The following ATP13A4 variants were observed in gnomAD, a reference collection of about 807,000 sequenced individuals.
The protein encoded by ATP13A4 is ATPase 13A4.
In ATP13A4, 114 loss-of-function variants were observed where a neutral mutation model predicts 142.5. The ratio of observed to expected loss-of-function variants is 0.80; its 90% CI spans 0.69 to 0.93. The LOEUF is 0.93. ATP13A4 is among the 40% of genes least tolerant of loss of function. ATP13A4 has a pLI of 0.00. For missense variants in ATP13A4, 1,392 were observed against 1,454.0 expected, an observed-to-expected ratio of 0.96 and a Z score of 0.69; for synonymous variants, 488 against 514.8, an observed-to-expected ratio of 0.95 and a Z score of 0.70.
intron 18 of ATP13A4, among the ~76,000 whole-genome samples, chr3:193,444,008 G>T (rs996018506): frequency 5.3e-5 from 8 of 150,142 alleles, no homozygotes; most frequent in Non-Finnish European, 8.9e-5. Context: ...GGTTGAAAAA[G>T]AAAAAAAAAT....
chr3:193,502,181 T>A (rs1435156699), intron 3 of ATP13A4, among the ~76,000 whole-genome samples: 1 of 152,242 alleles, frequency 6.6e-6, no homozygotes, highest in Non-Finnish European at 1.5e-5. Flanking sequence ...GTATTGAGCA[T>A]CTGCTATATA....
At chr3:193,573,301 A>ATATATATGTG (rs1553862275) in intron 2 of ATP13A4, among the ~76,000 whole-genome samples, 43 of 78,992 alleles carry the variant, frequency 5.4e-4, no homozygotes, top group African/African-American at 2.2e-3. Context: ...ACATATATAT[A>ATATATATGTG]TATATACATA....
intron 1 of ATP13A4, among the ~76,000 whole-genome samples, chr3:193,540,682 T>A (rs1044299882): frequency 5.3e-5 from 8 of 151,720 alleles, no homozygotes; most frequent in Non-Finnish European, 7.4e-5. Flanking sequence ...TACTATTATA[T>A]AGCCATTAAA....
chr3:193,411,068 T>C lies in ATP13A4; in HGVS notation c.3211A>G (p.Ile1071Val). 1.2e-6 allele frequency: 2 copies of C among 1,600,744 alleles called. No homozygotes were observed. Among genetic ancestry groups the C allele is most frequent in the African/African-American group, 2.7e-5 (2 of 74,756 alleles). The change falls in exon 28 of 30, where the codon ATA becomes GTA. Residue 1071 changes from isoleucine (I) to valine (V), a missense_variant and splice_region_variant. Ile to Val is a conservative substitution (Grantham distance 29). Coordinates refer to ENST00000342695, the MANE Select transcript of ATP13A4 (RefSeq NM_032279.4). ...PFRQPTYTNY[I>V]FVLVLIIQLG... The stretch of plus-strand genomic sequence containing the variant: ...TGTATTATCAGCACAAGGACAAATA[T>C]ATCTGAGGAAATAAGAACACAAGGT...
Position 193,564,535 on chromosome 3 carries a change from T to C in ATP13A4, n.291+17172A>G, listed in dbSNP as rs560888140. On this transcript the variant is annotated intron_variant and non_coding_transcript_variant, in intron 2 of 3. Coordinates refer to the ATP13A4 transcript ENST00000489140. Reference sequence around the variant, plus strand: ...TTAACAGGTGGAAACTGGTGCCTAGTAGTTAAGAGTAAAGGCTGCAGTCAT... The same window carrying C: ...TTAACAGGTGGAAACTGGTGCCTAGCAGTTAAGAGTAAAGGCTGCAGTCAT... Among the ~76,000 whole-genome samples the C allele has an allele frequency of 4.6e-5, 7 of 152,290 alleles. No individual in the cohort carries two copies. The East Asian group carries it at 9.7e-4, about 21-fold the overall frequency.
chr3:193,465,376 C>A (rs553491000), intron 11 of ATP13A4, among the ~76,000 whole-genome samples: 1 of 152,066 alleles, frequency 6.6e-6, no homozygotes, highest in African/African-American at 2.4e-5. Flanking sequence ...TTAGTAGAGA[C>A]GGGGTTTTGC....
intron 27 of ATP13A4, among the ~76,000 whole-genome samples, chr3:193,411,407 A>T (rs1714760070): frequency 6.6e-6 from 1 of 152,208 alleles, no homozygotes; most frequent in African/African-American, 2.4e-5. Flanking sequence ...ATCTACCTCA[A>T]ATCATTTTCT....
chr3:193,443,101 G>T (rs1233656405), intron 18 of ATP13A4, among the ~76,000 whole-genome samples: 2 of 152,150 alleles, frequency 1.3e-5, no homozygotes, highest in Admixed American at 1.3e-4. Context: ...TTCCATATTT[G>T]ACTGGCGTGT....
At chr3:193,495,977 A>G (rs1720202323) in intron 3 of ATP13A4, among the ~76,000 whole-genome samples, 1 of 152,164 alleles carries the variant, frequency 6.6e-6, no homozygotes, top group African/African-American at 2.4e-5. Context: ...CAATGGCTAC[A>G]AAAAAATAAT....
upstream of ATP13A4, among the ~76,000 whole-genome samples, chr3:193,557,421 AG>A (rs1045642310): frequency 1.4e-4 from 21 of 152,304 alleles, no homozygotes; most frequent in African/African-American, 5.1e-4. Flanking sequence ...AACCAGAAAC[AG>A]GGCTAGGTTG....
intron 1 of ATP13A4, among the ~76,000 whole-genome samples, chr3:193,531,297 A>AGGGAGGAAGGAAGGAAGGGAG (rs1351666676): frequency 7.4e-4 from 15 of 20,406 alleles, no homozygotes; most frequent in East Asian, 1.1e-3. Context: ...GGAGGGAGGG[A>AGGGAGGAAGGAAGGAAGGGAG]GGAAGGAAGG....
chr3:193,491,046 G>A (rs1392918052), intron 6 of ATP13A4, among the ~76,000 whole-genome samples: 1 of 152,054 alleles, frequency 6.6e-6, no homozygotes, highest in East Asian at 1.9e-4. Context: ...AACAAGTTAA[G>A]CAGCATAGTA....
At chr3:193,580,457 A>C (rs1244926464) in intron 2 of ATP13A4, among the ~76,000 whole-genome samples, 1 of 152,242 alleles carries the variant, frequency 6.6e-6, no homozygotes, top group Non-Finnish European at 1.5e-5. Flanking sequence ...GACAAAGAGC[A>C]GCAAAGATGT....
At chr3:193,572,130 C>G (rs1389383482) in intron 2 of ATP13A4, among the ~76,000 whole-genome samples, 2 of 152,136 alleles carry the variant, frequency 1.3e-5, no homozygotes, top group Non-Finnish European at 2.9e-5. Context: ...TGCCTGTAGT[C>G]CCAGCTACTC....
intron 18 of ATP13A4, among the ~76,000 whole-genome samples, chr3:193,445,772 TA>T (rs1290549954): frequency 2.6e-5 from 4 of 151,030 alleles, no homozygotes; most frequent in Non-Finnish European, 5.9e-5. Context: ...TACAAATAAA[TA>T]AAAAATAAAT....
intron 25 of ATP13A4, among the ~76,000 whole-genome samples, chr3:193,430,282 A>T (rs781281409): frequency 2.0e-5 from 3 of 152,114 alleles, no homozygotes; most frequent in Non-Finnish European, 4.4e-5. Flanking sequence ...AACTCTGCTG[A>T]CAAAGTTAAC....
chr3:193,438,457 G>C lies in ATP13A4; in HGVS notation c.2672+18C>G, dbSNP rs771358169. 6.4e-7 allele frequency: 1 copy of C among 1,557,672 alleles called. No homozygotes were observed. The highest frequency in any genetic ancestry group is 2.2e-5 in the East Asian group (1 of 44,602). ...AGTCAAGAGAGAGAAAACAATGTTT[G>C]AGGAAGTGCCTACTTACTTGATAAG... On this transcript the variant is annotated intron_variant, in intron 23 of 29. Coordinates refer to ENST00000342695, the MANE Select transcript of ATP13A4 (RefSeq NM_032279.4).
At chr3:193,440,270 G>A (rs1716549071) in intron 21 of ATP13A4, 3 of 384,780 alleles carry the variant, frequency 7.8e-6, no homozygotes, top group Non-Finnish European at 1.4e-5. Flanking sequence ...ACTCTTTCAG[G>A]ACCCTTAGGT....
At chr3:193,496,070 GAAGACAAA>G (rs1342334368) in intron 3 of ATP13A4, among the ~76,000 whole-genome samples, 1 of 152,110 alleles carries the variant, frequency 6.6e-6, no homozygotes, top group East Asian at 1.9e-4. Context: ...AGAAATTGAA[GAAGACAAA>G]AATAATTGAA....
Sources: allele counts gnomAD v4.1 joint callset (sites outside exome capture counted in the v4.1 genomes callset), GRCh38; gene constraint gnomAD v4.1.1; transcripts MANE v1.5; gene names NCBI Gene and HGNC (gene_info 2026-07-23, HGNC 2026-07-21).